The following FGGY variants were observed in gnomAD, a reference collection of about 807,000 sequenced individuals.
FGGY encodes FGGY carbohydrate kinase domain-containing protein.
FGGY carries 72 observed loss-of-function variants against 71.3 expected under a neutral mutation model. The observed-to-expected ratio is 1.01, with a 90% CI of 0.84 to 1.23. The LOEUF (loss-of-function observed/expected upper bound fraction) is 1.23. Among genes scored for constraint, FGGY ranks in the 50% most tolerant of loss-of-function variants. The pLI is 0.00. For synonymous variants in FGGY, 251 were observed against 250.3 expected (o/e 1.00, Z -0.02); for missense variants, 668 against 682.3 (o/e 0.98, Z 0.23).
At chr1:59,336,146 G>C (rs835387) in intron 2 of FGGY, among the ~76,000 whole-genome samples, 21,136 of 151,948 alleles carry the variant, frequency 0.14, 1,704 homozygotes, top group African/African-American at 0.22. Context: ...GATATGTTTT[G>C]AGTTAAGTTT....
intron 1 of FGGY, among the ~76,000 whole-genome samples, chr1:59,314,383 T>G (rs1384483403): frequency 6.6e-6 from 1 of 152,224 alleles, no homozygotes; most frequent in African/African-American, 2.4e-5. Context: ...TTGGTGATGC[T>G]ATACTGTTAC....
intron 1 of FGGY, among the ~76,000 whole-genome samples, chr1:59,304,181 C>T (rs889487200): frequency 6.6e-6 from 1 of 151,924 alleles, no homozygotes; most frequent in Non-Finnish European, 1.5e-5. Context: ...AGTTTTTTGT[C>T]GTTTTCTTCT....
chr1:59,407,159 T>C (rs574865967), intron 5 of FGGY, among the ~76,000 whole-genome samples: 1 of 152,356 alleles, frequency 6.6e-6, no homozygotes, highest in East Asian at 1.9e-4. Flanking sequence ...TCCATGGCTC[T>C]GTCATCGGCT....
intron 14 of FGGY, among the ~76,000 whole-genome samples, chr1:59,715,537 A>C (rs1258266039): frequency 6.6e-6 from 1 of 152,230 alleles, no homozygotes; most frequent in Non-Finnish European, 1.5e-5. Flanking sequence ...AGTTGGCTAA[A>C]AATGGCTGAG....
intron 9 of FGGY, among the ~76,000 whole-genome samples, chr1:59,613,724 A>G (rs542430860): frequency 1.3e-4 from 20 of 152,282 alleles, no homozygotes; most frequent in African/African-American, 4.8e-4. Flanking sequence ...TTTTTTGAAA[A>G]GATCAACAAA....
Position 59,646,464 on chromosome 1 carries a change from AAT to A in FGGY, c.1221+8100_1221+8101del, listed in dbSNP as rs900648694. On this transcript the variant is annotated intron_variant, in intron 11 of 15. Transcript: ENST00000303721. ...TCCAAATTGGTCACAAATTTTACTG[AAT>A]ATATATATATGTTTTACTGAAAATA... Among the ~76,000 whole-genome samples, 104 of 150,360 alleles carry A rather than the reference AAT, an allele frequency of 6.9e-4. 1 individual carries two copies. The highest frequency in any genetic ancestry group is 6.0e-3 in the Admixed American group (90 of 15,044).
At chr1:59,592,709 C>G (rs2096465937) in intron 8 of FGGY, among the ~76,000 whole-genome samples, 2 of 149,578 alleles carry the variant, frequency 1.3e-5, no homozygotes, top group South Asian at 4.2e-4. Flanking sequence ...ACCGCATATT[C>G]TCACTCATAG....
chr1:59,701,195 A>G (rs1558843683), intron 14 of FGGY, among the ~76,000 whole-genome samples: 1 of 152,188 alleles, frequency 6.6e-6, no homozygotes, highest in Admixed American at 6.5e-5. Flanking sequence ...ATATATACCC[A>G]TAGCCCCACA....
At chr1:59,422,931 TA>T (rs2065712732) in intron 5 of FGGY, among the ~76,000 whole-genome samples, 1 of 152,190 alleles carries the variant, frequency 6.6e-6, no homozygotes, top group South Asian at 2.1e-4. Context: ...TTGTATTCAG[TA>T]AAATTAAAGC....
At chr1:59,586,075 G>C (rs1282128313) in intron 8 of FGGY, among the ~76,000 whole-genome samples, 1 of 152,212 alleles carries the variant, frequency 6.6e-6, no homozygotes, top group African/African-American at 2.4e-5. Context: ...CTGTAAACTA[G>C]TTGAACCATT....
At chr1:59,761,471 G>C (rs2098340277) in intron 15 of FGGY, among the ~76,000 whole-genome samples, 1 of 152,136 alleles carries the variant, frequency 6.6e-6, no homozygotes, top group South Asian at 2.1e-4. Context: ...CCCCAGAATT[G>C]AGCAAGACAT....
At chr1:59,511,140 A>C (rs1314328643) in intron 6 of FGGY, among the ~76,000 whole-genome samples, 1 of 152,104 alleles carries the variant, frequency 6.6e-6, no homozygotes, top group Admixed American at 6.6e-5. Context: ...TCAATTGTAG[A>C]TAGAAGCTCT....
intron 6 of FGGY, among the ~76,000 whole-genome samples, chr1:59,509,857 C>T (rs2094476932): frequency 6.6e-6 from 1 of 152,090 alleles, no homozygotes; most frequent in Non-Finnish European, 1.5e-5. Context: ...TGGAAGAGTG[C>T]CCCACCCTGC....
At chr1:59,410,810 T>G (rs1172832320) in intron 5 of FGGY, among the ~76,000 whole-genome samples, 2 of 152,186 alleles carry the variant, frequency 1.3e-5, no homozygotes, top group African/African-American at 4.8e-5. Flanking sequence ...AATATTATAA[T>G]GTGTTCATAT....
chr1:59,597,988 A>G (rs1429766500), intron 8 of FGGY, among the ~76,000 whole-genome samples: 2 of 152,238 alleles, frequency 1.3e-5, no homozygotes, highest in African/African-American at 4.8e-5. Flanking sequence ...TAAGACTGCA[A>G]CTGATGAGTA....
At chr1:59,394,115 C>T (rs2061030018) in intron 5 of FGGY, among the ~76,000 whole-genome samples, 1 of 152,146 alleles carries the variant, frequency 6.6e-6, no homozygotes, top group Admixed American at 6.6e-5. Flanking sequence ...CAGTATTTTT[C>T]TTTGTTCTAG....
chr1:59,587,753 AAACT>A (rs1469134749), intron 8 of FGGY, among the ~76,000 whole-genome samples: 1 of 152,204 alleles, frequency 6.6e-6, no homozygotes, highest in Non-Finnish European at 1.5e-5. Flanking sequence ...GTTAGAAGGA[AAACT>A]AACAAACAGA....
intron 6 of FGGY, among the ~76,000 whole-genome samples, chr1:59,472,477 G>GGA (rs1423847864): frequency 1.1e-4 from 17 of 152,370 alleles, no homozygotes; most frequent in Non-Finnish European, 2.4e-4. Flanking sequence ...CGGGCGCACG[G>GGA]CGCGGGACTG....
intron 14 of FGGY, among the ~76,000 whole-genome samples, chr1:59,696,308 C>T (rs977035613): frequency 5.9e-5 from 9 of 152,104 alleles, no homozygotes; most frequent in African/African-American, 1.7e-4. Flanking sequence ...AGCATTAAAC[C>T]TGGGTTTTCA....
Sources: gnomAD v4.1 joint callset for allele counts (sites outside exome capture counted in the v4.1 genomes callset) on GRCh38, gnomAD v4.1.1 for gene constraint, MANE v1.5 for transcripts, NCBI Gene and HGNC (gene_info 2026-07-23, HGNC 2026-07-21) for gene names.